The following TCP11 variants were observed in gnomAD, a reference collection of about 807,000 sequenced individuals.
The protein encoded by TCP11 is t-complex 11.
Under a neutral mutation model 45.0 loss-of-function variants are expected in TCP11, and 34 were observed. The ratio of observed to expected loss-of-function variants is 0.76; its 90% CI spans 0.57 to 1.01. The LOEUF is 1.01. Among genes scored for constraint, TCP11 ranks in the 50% least tolerant of loss-of-function variants. The pLI is 0.00. For synonymous variants in TCP11, 227 were observed against 227.0 expected (o/e 1.00, Z 0.00); for missense variants, 523 against 598.1 (o/e 0.87, Z 1.31).
chr6:35,128,970 G>T, intron 4 of TCP11, 92 bp downstream of exon 4: 1 of 1,500,566 alleles, frequency 6.7e-7, no homozygotes, highest in Non-Finnish European at 9.0e-7. Flanking sequence ...CTGATTCATG[G>T]ACCATGTTCA....
Position 35,120,956 on chromosome 6 carries a change from A to C in TCP11, c.668T>G (p.Ile223Ser). 1 of 1,613,990 alleles carries C rather than the reference A, an allele frequency of 6.2e-7. No homozygotes were observed. The highest frequency in any genetic ancestry group is 8.5e-7 in the Non-Finnish European group (1 of 1,179,936). Residue 223 changes from isoleucine (I) to serine (S), a missense_variant, in exon 6 of 10, where the codon ATT (isoleucine) becomes AGT (serine). Around this residue, in one of 2 missense-constraint regions of TCP11, gnomAD observed 298 missense variants for 387.9 expected, o/e 0.77. Transcript: ENST00000311875. This position sits in a 1 kb window ranked among gnomAD's most constrained non-coding sequence, Gnocchi z 4.9. ...CTGGAATTTAGCCCGTTCATACTGA[A>C]TGGAATGTTCCTGCAGGTGGGGTTG... ...SLQPHLQEHS[I>S]QYERAKFQEL...
intron 3 of TCP11, among the ~76,000 whole-genome samples, chr6:35,134,571 G>T: frequency 6.6e-6 from 1 of 152,004 alleles, no homozygotes; most frequent in Middle Eastern, 3.4e-3. Context: ...GAGCCACTGC[G>T]CCTGGCCCCA....
chr6:35,134,955 C>G (rs746392000), intron 3 of TCP11, among the ~76,000 whole-genome samples: 6 of 152,048 alleles, frequency 3.9e-5, no homozygotes, highest in Non-Finnish European at 5.9e-5. Flanking sequence ...CGAGACCAGA[C>G]TGACCAACAT....
In TCP11 at chr6:35,120,723, G is replaced by C; in HGVS notation, c.716-77C>G. ...GCTTCAAGACCAAGGTTCTTTTCAA[G>C]TATACTCCTGGTCAATAAATAAATG... is the stretch of plus-strand genomic sequence containing the variant. On this transcript the variant is annotated intron_variant, in intron 6 of 9. Coordinates refer to ENST00000311875, the MANE Select transcript of TCP11 (RefSeq NM_001370687.1). This position sits in a 1 kb window ranked among gnomAD's most constrained non-coding sequence, Gnocchi z 4.9. 1 of 1,457,256 alleles carries C rather than the reference G, an allele frequency of 6.9e-7. No homozygotes were observed. The highest frequency in any genetic ancestry group is 1.4e-5 in the African/African-American group (1 of 70,796). The allele number at this position is 1,457,256 out of a possible 1,614,324, so 90.3% of individuals were successfully genotyped here. A position where few individuals can be genotyped will look rare whatever the true frequency, so the allele number is the denominator to read the frequency against.
Position 35,118,503 on chromosome 6 carries a change from T to C in TCP11, c.1280-2A>G. ...TGAGAAACAAATGGATCCGCTGATC[T>C]GTGAGCAGGAAAAGACACTGATAAG... On this transcript the variant is annotated splice_acceptor_variant, in intron 9 of 9. Transcript: ENST00000311875. LOFTEE classifies it high-confidence loss of function. The C allele has an allele frequency of 6.2e-7, 1 of 1,612,796 alleles. No homozygotes were observed. The highest frequency in any genetic ancestry group is 1.1e-5 in the South Asian group (1 of 90,830).
rs746770557 is a variant in TCP11 at position 35,140,902 on chromosome 6, G to A, written c.-14-18C>T. The A allele has an allele frequency of 8.4e-6, 13 of 1,545,786 alleles. No individual in the cohort carries two copies. The highest frequency in any genetic ancestry group is 1.7e-4 in the Middle Eastern group (1 of 5,746). ...GATGGTATCTGGGTGAGGGAGAAAG[G>A]CGTGTTGTTGGCGTCGGGGAAGGGG... On this transcript the variant is annotated intron_variant, in intron 1 of 9. Coordinates refer to ENST00000311875, the MANE Select transcript of TCP11 (RefSeq NM_001370687.1).
rs1323930663 is a variant in TCP11, at chr6:35,140,837, A to G, written c.34T>C (p.Tyr12His). 1 of 1,563,380 alleles carries G rather than the reference A, an allele frequency of 6.4e-7. No individual in the cohort carries two copies. Residue 12 changes from tyrosine to histidine, a missense_variant, in exon 2 of 10, where the codon TAT becomes CAT. This residue lies in a region of TCP11 where 225 missense variants were observed against 210.2 expected (regional missense o/e 1.07). Transcript: ENST00000311875. ...GACCTGCCCTCTGAGTCGCCAGGAT[A>G]TTTCGGGGGCACACTCTCCTTGACG... ...PDVKESVPPK[Y>H]PGDSEGRSCK...
intron 5 of TCP11, 61 bp downstream of exon 5, chr6:35,122,056 C>T (rs1779319572): frequency 1.3e-6 from 2 of 1,550,452 alleles, no homozygotes; most frequent in South Asian, 2.2e-5. Context: ...CTAGGTCTGG[C>T]CCAGCTTTTC....
chr6:35,129,252 A>G lies in TCP11; in HGVS notation c.237-70T>C, dbSNP rs575036267. 9.8e-6 allele frequency: 15 copies of G among 1,527,998 alleles called. No individual in the cohort carries two copies. In the South Asian group the frequency reaches 1.6e-4, roughly 16 times the overall value. 94.7% of individuals were successfully genotyped at this position (1,527,998 alleles called of 1,614,324 possible). ...CAGTTACAGTGTCATAACCTCCTAA[A>G]CCCCAAACTGAATTTGATATGGTAA... On this transcript the variant is annotated intron_variant, in intron 3 of 9. Coordinates refer to ENST00000311875, the MANE Select transcript of TCP11 (RefSeq NM_001370687.1).
At chr6:35,131,779 T>C (rs1780481483) in intron 3 of TCP11, among the ~76,000 whole-genome samples, 1 of 152,134 alleles carries the variant, frequency 6.6e-6, no homozygotes, top group Admixed American at 6.5e-5. Context: ...TTAAAAAATG[T>C]TTAGTACAGA....
intron 3 of TCP11, among the ~76,000 whole-genome samples, chr6:35,135,747 A>G (rs1024127712): frequency 3.3e-5 from 5 of 152,198 alleles, no homozygotes; most frequent in African/African-American, 1.2e-4. Flanking sequence ...AAATAAAAAC[A>G]ACCAAAACGG....
At chr6:35,124,940 G>A (rs1187088100) in intron 4 of TCP11, among the ~76,000 whole-genome samples, 1 of 151,578 alleles carries the variant, frequency 6.6e-6, no homozygotes, top group Non-Finnish European at 1.5e-5. Flanking sequence ...CCAGCACTTT[G>A]GGAGGTCGAG....
At chr6:35,132,634 C>A (rs1223367677) in intron 3 of TCP11, among the ~76,000 whole-genome samples, 1 of 152,208 alleles carries the variant, frequency 6.6e-6, no homozygotes, top group African/African-American at 2.4e-5. Context: ...AAGGTAAAGC[C>A]AACTGCCAAT....
chr6:35,132,078 G>A (rs1289767139), intron 3 of TCP11, among the ~76,000 whole-genome samples: 2 of 152,228 alleles, frequency 1.3e-5, no homozygotes, highest in Non-Finnish European at 2.9e-5. Context: ...CCCATCACCA[G>A]CAAGATAAAT....
At chr6:35,124,393 T>C (rs1266719574) in intron 4 of TCP11, among the ~76,000 whole-genome samples, 1 of 152,208 alleles carries the variant, frequency 6.6e-6, no homozygotes, top group Non-Finnish European at 1.5e-5. Flanking sequence ...CACATGGACC[T>C]TTAGGAATTG....
intron 4 of TCP11, among the ~76,000 whole-genome samples, chr6:35,125,082 G>C (rs976713980): frequency 2.0e-5 from 3 of 151,154 alleles, no homozygotes; most frequent in African/African-American, 7.3e-5. Flanking sequence ...CTACTTGGGA[G>C]GCTGAGGTGG....
intron 9 of TCP11, 86 bp downstream of exon 9, chr6:35,119,142 A>G: frequency 6.6e-7 from 1 of 1,523,390 alleles, no homozygotes; most frequent in South Asian, 1.2e-5. Context: ...CCTAATGACC[A>G]TGCTTCATGT....
chr6:35,136,144 C>G lies in TCP11; in HGVS notation c.199G>C (p.Asp67His). The G allele has an allele frequency of 1.9e-6, 3 of 1,613,774 alleles. No individual in the cohort carries two copies. Among genetic ancestry groups the G allele is most frequent in the Non-Finnish European group, 2.5e-6 (3 of 1,179,834 alleles). Residue 67 changes from aspartate (D) to histidine (H), a missense_variant, in exon 3 of 10, where the codon GAT becomes CAT. Coordinates refer to ENST00000311875, the MANE Select transcript of TCP11 (RefSeq NM_001370687.1). The part of the protein sequence containing the change: ...KLSNKIGMNC[D>H]YYMEEKVLPP... ...AAAACCTTCTCTTCCATGTAGTAAT[C>G]ACAATTCATCCCAATCTTGTTGCTC...
At chr6:35,131,013 A>G (rs1028165523) in intron 3 of TCP11, among the ~76,000 whole-genome samples, 11 of 152,234 alleles carry the variant, frequency 7.2e-5, no homozygotes, top group African/African-American at 1.9e-4. Flanking sequence ...ATATTATTCA[A>G]TGATAAAAAA....
Sources: allele counts gnomAD v4.1 joint callset (sites outside exome capture counted in the v4.1 genomes callset), GRCh38; gene constraint gnomAD v4.1.1; regional missense constraint gnomAD v4.1.1; non-coding constraint Gnocchi (gnomAD v3.1); transcripts MANE v1.5; gene names NCBI Gene and HGNC (gene_info 2026-07-23, HGNC 2026-07-21).